CFAP46: variants seen among roughly 807,000 people sequenced by gnomAD.
CFAP46 encodes cilia- and flagella-associated protein 46.
CFAP46 carries 245 observed loss-of-function variants against 325.7 expected under a neutral mutation model. The observed-to-expected ratio is 0.75, with a 90% CI of 0.68 to 0.84. The LOEUF is 0.84. Among genes scored for constraint, CFAP46 ranks in the 40% least tolerant of loss-of-function variants. The pLI is 0.00. For missense variants in CFAP46, 3,346 were observed against 3,543.0 expected (o/e 0.94, Z 1.41); for synonymous variants, 1,523 against 1,495.9 (o/e 1.02, Z -0.42).
In CFAP46 at chr10:132,835,323, A is replaced by G; in HGVS notation, c.6725T>C (p.Met2242Thr). Residue 2242 changes from methionine (M) to threonine (T), a missense_variant, in exon 47 of 58, where the codon ATG (methionine) becomes ACG (threonine). Physicochemically the swap from Met to Thr is moderately conservative, Grantham distance 81. Coordinates refer to ENST00000368586, the MANE Select transcript of CFAP46 (RefSeq NM_001200049.3). ...CCTCACCGAGCCTATGTTCAGGGCC[A>G]TGTCCTCACTGTACACCTGGGCCTG... is the stretch of plus-strand genomic sequence containing the variant. Reference protein sequence around the residue: ...QTQAQVYSEDMALNIGSEPEG... With the variant: ...QTQAQVYSEDTALNIGSEPEG... 6.2e-7 allele frequency: 1 copy of G among 1,613,376 alleles called. No individual in the cohort carries two copies. The highest frequency in any genetic ancestry group is 1.3e-5 in the African/African-American group (1 of 75,050).
At chr10:132,823,634 A>T (rs1462940587) in intron 50 of CFAP46, among the ~76,000 whole-genome samples, 16 of 58,156 alleles carry the variant, frequency 2.8e-4, no homozygotes, top group East Asian at 1.2e-3. Context: ...GTGCTGTGTG[A>T]GTGCTGATGT....
chr10:132,870,282 G>A (rs1006677908), intron 32 of CFAP46, among the ~76,000 whole-genome samples: 9 of 152,048 alleles, frequency 5.9e-5, no homozygotes, highest in African/African-American at 1.9e-4. Flanking sequence ...TATTCCCCAA[G>A]ACACAGAAAT....
chr10:132,864,658 C>T (rs1286126558), intron 35 of CFAP46, among the ~76,000 whole-genome samples: 1 of 146,890 alleles, frequency 6.8e-6, no homozygotes, highest in African/African-American at 2.5e-5. Flanking sequence ...GACCTGCACA[C>T]ACCTGTCCCC....
Position 132,877,235 on chromosome 10 carries a change from C to T in CFAP46, c.4213-274G>A, listed in dbSNP as rs537683066. ...AGCTAAGGCTCTGCAGCCTCTGCCTCCTGCGTCTCCCCTCAGTGACAGCTG... is the reference window on the plus strand; with the variant it reads ...AGCTAAGGCTCTGCAGCCTCTGCCTTCTGCGTCTCCCCTCAGTGACAGCTG... On this transcript the variant is annotated intron_variant, in intron 30 of 57. Transcript: ENST00000368586. The surrounding 1 kb of genome is among the most constrained non-coding windows in gnomAD (Gnocchi z 5.7). Among the ~76,000 whole-genome samples the T allele has an allele frequency of 1.1e-3, 175 of 152,282 alleles. 1 individual carries two copies. Among genetic ancestry groups the T allele is most frequent in the African/African-American group, 4.1e-3 (170 of 41,562 alleles).
chr10:132,829,952 G>A (rs776362962), intron 50 of CFAP46, among the ~76,000 whole-genome samples: 10 of 151,534 alleles, frequency 6.6e-5, no homozygotes, highest in Non-Finnish European at 7.4e-5. Flanking sequence ...AATGTTATTA[G>A]CATCTATAGC....
At chr10:132,822,921 A>C (rs111210379) in intron 50 of CFAP46, among the ~76,000 whole-genome samples, 1 of 87,926 alleles carries the variant, frequency 1.1e-5, no homozygotes, top group South Asian at 4.6e-4. Flanking sequence ...GTGAGTGCTG[A>C]TGTGTGCTGA....
At chr10:132,812,674 C>T (rs559186282) in intron 55 of CFAP46, 111 bp downstream of exon 55, 242 of 726,042 alleles carry the variant, frequency 3.3e-4, no homozygotes, top group South Asian at 1.4e-3. Flanking sequence ...GAGGGGGCTG[C>T]GGCCACAGGG....
intron 19 of CFAP46, among the ~76,000 whole-genome samples, chr10:132,910,948 C>T (rs1389561422): frequency 6.6e-6 from 1 of 152,234 alleles, no homozygotes; most frequent in Non-Finnish European, 1.5e-5. Flanking sequence ...AGCCGGCTTC[C>T]TCACACTCTC....
chr10:132,939,027 C>G lies in CFAP46; in HGVS notation c.372-274G>C, dbSNP rs1276770774. Among the ~76,000 whole-genome samples the G allele has an allele frequency of 6.6e-6, 1 of 152,198 alleles. No homozygotes were observed. Among genetic ancestry groups the G allele is most frequent in the African/African-American group, 2.4e-5 (1 of 41,454 alleles). On this transcript the variant is annotated intron_variant, in intron 4 of 57. Transcript: ENST00000368586. The surrounding 1 kb of genome is among the most constrained non-coding windows in gnomAD (Gnocchi z 4.6). The stretch of plus-strand genomic sequence containing the variant: ...CTGTGATGACCCGGCCACAGGCTCC[C>G]GAGTCCAGACCAGGGCCTTCTTCAT...
intron 22 of CFAP46, among the ~76,000 whole-genome samples, chr10:132,905,214 T>C (rs1849440043): frequency 1.3e-5 from 2 of 152,208 alleles, no homozygotes; most frequent in South Asian, 4.1e-4. Context: ...ACACCATGTT[T>C]CTCATTGGAG....
At chr10:132,917,349 C>CTT (rs368684826) in intron 16 of CFAP46, among the ~76,000 whole-genome samples, 21 of 152,370 alleles carry the variant, frequency 1.4e-4, no homozygotes, top group African/African-American at 4.6e-4. Context: ...AAGGGCCACA[C>CTT]TTGTGTTGGT....
At chr10:132,933,670 C>T (rs1425717201) in intron 8 of CFAP46, among the ~76,000 whole-genome samples, 1 of 152,246 alleles carries the variant, frequency 6.6e-6, no homozygotes, top group Non-Finnish European at 1.5e-5. Context: ...CCTCGAGGAG[C>T]CTGCAGCTGA....
At chr10:132,850,602 A>C (rs1310265705) in intron 40 of CFAP46, among the ~76,000 whole-genome samples, 170 bp from the exon 41 acceptor site, 1 of 152,214 alleles carries the variant, frequency 6.6e-6, no homozygotes, top group Non-Finnish European at 1.5e-5. Context: ...TGTGGGGGTC[A>C]CAGACGTCTG....
Position 132,878,074 on chromosome 10 carries a change from G to A in CFAP46, c.4019C>T (p.Thr1340Ile), listed in dbSNP as rs1002820142. The A allele has an allele frequency of 1.0e-5, 16 of 1,548,850 alleles. No individual in the cohort carries two copies. The highest frequency in any genetic ancestry group is 1.4e-5 in the Non-Finnish European group (16 of 1,146,148). Reference protein sequence around the residue: ...FRHIWQVSLMTAGKSVLENRP... With the variant: ...FRHIWQVSLMIAGKSVLENRP... ...GTTTTCCAGAACTGATTTTCCTGCT[G>A]TCATCAAAGAAACCTGGTGGGGATG... The change falls in exon 30 of 58, where the codon ACA becomes ATA. Residue 1340 changes from threonine to isoleucine, a missense_variant. Transcript: ENST00000368586.
chr10:132,814,550 G>C (rs1225528613), intron 53 of CFAP46, 27 bp downstream of exon 53: 1 of 1,553,150 alleles, frequency 6.4e-7, no homozygotes, highest in Admixed American at 2.0e-5. Flanking sequence ...GCGTGTGCCT[G>C]AACAGGGAGC....
chr10:132,904,459 C>A (rs866482541), intron 22 of CFAP46, among the ~76,000 whole-genome samples: 1 of 152,260 alleles, frequency 6.6e-6, no homozygotes. Context: ...AAAGGACTTT[C>A]CAAAGTCTTA....
chr10:132,918,628 T>C, intron 15 of CFAP46, 108 bp from the exon 16 acceptor site: 1 of 1,365,834 alleles, frequency 7.3e-7, no homozygotes, highest in Non-Finnish European at 9.6e-7. Context: ...CCCAGCTCCG[T>C]GTAGGGTCCG....
chr10:132,937,753 T>G (rs1212689711), intron 5 of CFAP46, 78 bp from the exon 6 acceptor site: 3 of 1,505,522 alleles, frequency 2.0e-6, no homozygotes, highest in Non-Finnish European at 2.7e-6. Flanking sequence ...TATTAAACCA[T>G]TACATATTTT....
In CFAP46 at chr10:132,879,541, T is replaced by G; in HGVS notation, c.3890A>C (p.Gln1297Pro). 1 of 1,547,400 alleles carries G rather than the reference T, an allele frequency of 6.5e-7. No homozygotes were observed. ...VSLEQLRSVR[Q>P]LEALARVHIL... Reference sequence around the variant, plus strand: ...GTGCACGCGGGCCAGCGCCTCCAGCTGCCGCACGCTACGCAGCTGCTCCAA... The same window carrying G: ...GTGCACGCGGGCCAGCGCCTCCAGCGGCCGCACGCTACGCAGCTGCTCCAA... The change falls in exon 29 of 58, where the codon CAG becomes CCG. Residue 1297 changes from glutamine (Q) to proline (P), a missense_variant. By Grantham distance (76) the Gln-to-Pro change is moderately conservative (BLOSUM62 -1). Coordinates refer to ENST00000368586, the MANE Select transcript of CFAP46 (RefSeq NM_001200049.3).
Sources: allele counts gnomAD v4.1 joint callset (sites outside exome capture counted in the v4.1 genomes callset), GRCh38; gene constraint gnomAD v4.1.1; non-coding constraint Gnocchi (gnomAD v3.1); transcripts MANE v1.5; gene names NCBI Gene and HGNC (gene_info 2026-07-23, HGNC 2026-07-21).